AASS: variants seen among roughly 807,000 people sequenced by gnomAD.
The protein encoded by AASS is aminoadipate-semialdehyde synthase, also known as alpha-aminoadipic semialdehyde synthase, mitochondrial.
In AASS, 86 loss-of-function variants were observed where a neutral mutation model predicts 105.4. The observed-to-expected ratio is 0.82, with a 90% CI of 0.69 to 0.98. The LOEUF is 0.98. Among genes scored for constraint, AASS ranks in the 50% least tolerant of loss-of-function variants. The pLI, the probability that AASS is intolerant of heterozygous loss-of-function variation, is 0.00. For missense variants in AASS, 1,048 were observed against 1,143.2 expected, an observed-to-expected ratio of 0.92 and a Z score of 1.20; for synonymous variants, 381 against 394.8, an observed-to-expected ratio of 0.96 and a Z score of 0.41.
intron 11 of AASS, among the ~76,000 whole-genome samples, chr7:122,112,500 G>A (rs1286179167): frequency 1.3e-5 from 2 of 152,192 alleles, no homozygotes; most frequent in Non-Finnish European, 2.9e-5. Flanking sequence ...GATGAAAAGA[G>A]TAAGAGCCAT....
rs1003421793 is a variant in AASS at position 122,113,645 on chromosome 7, C to T, written c.1119G>A (p.Glu373=). 7 of 1,613,560 alleles carry T rather than the reference C, an allele frequency of 4.3e-6. No homozygotes were observed. In the Admixed American group the frequency reaches 5.0e-5, roughly 12 times the overall value. ...IEFMTECTTI[E]HPFCMYDADQ... ...CTGCATCATACATGCAAAAGGGATG[C>T]TCTATTGTTGTACACTCAGTCATAA... is the stretch of plus-strand genomic sequence containing the variant. The change falls in exon 10 of 24, where the codon GAG becomes GAA. Residue 373 remains glutamate (E), a synonymous_variant. Coordinates refer to ENST00000417368, the MANE Select transcript of AASS (RefSeq NM_005763.4).
intron 18 of AASS, 38 bp from the exon 19 acceptor site, chr7:122,086,217 T>G (rs771863859): frequency 6.2e-7 from 1 of 1,607,366 alleles, no homozygotes; most frequent in South Asian, 1.1e-5. Flanking sequence ...GGGTTACAGC[T>G]GTTCCTTTCT....
At position 122,081,480 on chromosome 7, in the gene AASS, C is replaced by T. The variant is rs770875442; in HGVS notation, c.2280+20G>A. ...TATTTCTGAAAAGGAGCAGATAGAA[C>T]GTAATTCGGAGTCACTCACCCAGGT... On this transcript the variant is annotated intron_variant, in intron 20 of 23. Transcript: ENST00000417368. 1.6e-5 allele frequency: 26 copies of T among 1,580,884 alleles called. No homozygotes were observed. Among genetic ancestry groups the T allele is most frequent in the East Asian group, 2.2e-5 (1 of 44,728 alleles).
chr7:122,091,743 A>C lies in AASS; in HGVS notation c.1976T>G (p.Met659Arg). The change falls in exon 18 of 24, where the codon ATG becomes AGG. Residue 659 changes from methionine (M) to arginine (R), a missense_variant. Physicochemically the swap from Met to Arg is moderately conservative, Grantham distance 91 (BLOSUM62 -1). Transcript: ENST00000417368. ...ATAGGTGGCAGACTGCATTACATTCATCAAAACTCCCACTGGACTCCAGCT... is the reference window on the plus strand; with the variant it reads ...ATAGGTGGCAGACTGCATTACATTCCTCAAAACTCCCACTGGACTCCAGCT... ...KFSWSPVGVLMNVMQSATYLL... is the reference protein window; with the variant it reads ...KFSWSPVGVLRNVMQSATYLL... The C allele has an allele frequency of 1.2e-6, 2 of 1,613,602 alleles. No homozygotes were observed. Among genetic ancestry groups the C allele is most frequent in the Non-Finnish European group, 8.5e-7 (1 of 1,179,708 alleles).
chr7:122,106,348 C>T (rs1176001648), intron 11 of AASS, among the ~76,000 whole-genome samples: 3 of 151,876 alleles, frequency 2.0e-5, no homozygotes, highest in African/African-American at 7.3e-5. Context: ...TTTATAGATT[C>T]AATGCTATTC....
Position 122,129,444 on chromosome 7 carries a change from A to G in AASS, c.304T>C (p.Ser102Pro), listed in dbSNP as rs773119437. 2.5e-6 allele frequency: 4 copies of G among 1,613,560 alleles called. No homozygotes were observed. In the South Asian group the frequency reaches 4.4e-5, roughly 18 times the overall value. ...VKRPPEEKLM[S>P]RKTYAFFSHT... ...GAGAAAAATGCATAAGTCTTCCTGGACATTAATTTTTCCTCTGGAGGTCTT... is the reference window on the plus strand; with the variant it reads ...GAGAAAAATGCATAAGTCTTCCTGGGCATTAATTTTTCCTCTGGAGGTCTT... The change falls in exon 3 of 24, where the codon TCC becomes CCC. Residue 102 changes from serine (S) to proline (P), a missense_variant. Transcript: ENST00000417368.
intron 11 of AASS, among the ~76,000 whole-genome samples, chr7:122,102,227 A>C (rs1562922541): frequency 6.6e-6 from 1 of 152,108 alleles, no homozygotes; most frequent in Non-Finnish European, 1.5e-5. Flanking sequence ...AGACCTAGAA[A>C]GTCATTCACA....
intron 18 of AASS, among the ~76,000 whole-genome samples, chr7:122,090,845 A>G (rs1305872241): frequency 6.6e-6 from 1 of 152,104 alleles, no homozygotes. Flanking sequence ...CTGTCATACC[A>G]TGAGTGCTAA....
chr7:122,074,953 G>A lies in AASS; in HGVS notation c.*1536C>T, dbSNP rs894677825. ...TAGCTCATTGCAGCTTCGAACTTTG[G>A]GGCTCAAGCCATCCTTACACCTCAG... is the stretch of plus-strand genomic sequence containing the variant. On this transcript the variant is annotated 3_prime_UTR_variant, in exon 24 of 24. Transcript: ENST00000417368. Among the ~76,000 whole-genome samples the A allele has an allele frequency of 2.0e-5, 3 of 152,056 alleles. No homozygotes were observed. The highest frequency in any genetic ancestry group is 7.2e-5 in the African/African-American group (3 of 41,386).
chr7:122,116,188 T>C (rs1157643706), intron 8 of AASS, among the ~76,000 whole-genome samples: 3 of 152,290 alleles, frequency 2.0e-5, no homozygotes, highest in South Asian at 2.1e-4. Flanking sequence ...TGCACTTATA[T>C]AGGAACGCTA....
intron 15 of AASS, among the ~76,000 whole-genome samples, chr7:122,096,265 A>G (rs571110772): frequency 6.6e-6 from 1 of 152,278 alleles, no homozygotes; most frequent in South Asian, 2.1e-4. Context: ...TTTTTGTGAA[A>G]CATATTCTTT....
At chr7:122,126,161 CT>C (rs773218389) in intron 4 of AASS, among the ~76,000 whole-genome samples, 37 of 152,304 alleles carry the variant, frequency 2.4e-4, no homozygotes, top group Non-Finnish European at 4.0e-4. Context: ...ATCCTTCTCC[CT>C]GCTTTTTCCT....
chr7:122,093,168 A>C lies in AASS; in HGVS notation c.1656-10T>G. 6.3e-7 allele frequency: 1 copy of C among 1,593,176 alleles called. No homozygotes were observed. Among genetic ancestry groups the C allele is most frequent in the Non-Finnish European group, 8.6e-7 (1 of 1,161,010 alleles). Reference sequence around the variant, plus strand: ...TACATAAGGCAACAAGCTTGAAAACAGGAAGAAACTAATCAGAAACTCCCT... The same window carrying C: ...TACATAAGGCAACAAGCTTGAAAACCGGAAGAAACTAATCAGAAACTCCCT... On this transcript the variant is annotated splice_polypyrimidine_tract_variant and intron_variant, in intron 15 of 23. Coordinates refer to ENST00000417368, the MANE Select transcript of AASS (RefSeq NM_005763.4).
At chr7:122,138,045 C>G (rs1056077852) in intron 1 of AASS, among the ~76,000 whole-genome samples, 1 of 152,150 alleles carries the variant, frequency 6.6e-6, no homozygotes, top group Non-Finnish European at 1.5e-5. Flanking sequence ...GGGTACAAGA[C>G]CCTTCCTCTG....
At chr7:122,081,022 C>A (rs981089039) in intron 20 of AASS, among the ~76,000 whole-genome samples, 6 of 152,150 alleles carry the variant, frequency 3.9e-5, no homozygotes, top group Admixed American at 6.5e-5. Flanking sequence ...TTTGGTACAA[C>A]AAGAGATAGA....
At chr7:122,130,134 C>T (rs1248322366) in intron 2 of AASS, among the ~76,000 whole-genome samples, 1 of 151,788 alleles carries the variant, frequency 6.6e-6, no homozygotes, top group Non-Finnish European at 1.5e-5. Flanking sequence ...AAGTGATATG[C>T]TACTTTAACT....
At position 122,116,622 on chromosome 7, in the gene AASS, A is replaced by G. The variant is rs1266900298; in HGVS notation, c.894+11T>C. 1 of 1,614,008 alleles carries G rather than the reference A, an allele frequency of 6.2e-7. No homozygotes were observed. Among genetic ancestry groups the G allele is most frequent in the South Asian group, 1.1e-5 (1 of 91,074 alleles). Reference sequence around the variant, plus strand: ...TAAGCAACCAACTTAAAAGGTGAATATGATACTCACATCAGTATTAAAACG... The same window carrying G: ...TAAGCAACCAACTTAAAAGGTGAATGTGATACTCACATCAGTATTAAAACG... On this transcript the variant is annotated intron_variant, in intron 8 of 23. Coordinates refer to ENST00000417368, the MANE Select transcript of AASS (RefSeq NM_005763.4).
At chr7:122,118,651 T>C (rs1277108244) in intron 4 of AASS, 21 bp from the exon 5 acceptor site, 7 of 1,610,362 alleles carry the variant, frequency 4.3e-6, no homozygotes, top group Non-Finnish European at 5.9e-6. Context: ...ATCAGACCAA[T>C]AGAAAGACTA....
rs188734470 is a variant in AASS, at chr7:122,108,406, T to C, written c.1278+4712A>G. ...TTCAGGCCAATATCCCTGAAGAACATAGATACAAAAATTTTCAACAAAATA... is the reference window on the plus strand; with the variant it reads ...TTCAGGCCAATATCCCTGAAGAACACAGATACAAAAATTTTCAACAAAATA... On this transcript the variant is annotated intron_variant, in intron 11 of 23. Transcript: ENST00000417368. 4.0e-4 allele frequency among the ~76,000 whole-genome samples: 61 copies of C among 152,098 alleles called. 1 individual carries two copies. Among genetic ancestry groups the C allele is most frequent in the Admixed American group, 2.4e-3 (36 of 15,250 alleles).
Sources: allele counts gnomAD v4.1 joint callset (sites outside exome capture counted in the v4.1 genomes callset), GRCh38; gene constraint gnomAD v4.1.1; transcripts MANE v1.5; gene names NCBI Gene and HGNC (gene_info 2026-07-23, HGNC 2026-07-21).